Variants in SFTPC observed in about 807,000 individuals in gnomAD.
SFTPC encodes BRICHOS domain containing 6.
Under a neutral mutation model 19.9 loss-of-function variants are expected in SFTPC, and 12 were observed. The ratio of observed to expected loss-of-function variants is 0.60; its 90% CI spans 0.39 to 0.98. The LOEUF (loss-of-function observed/expected upper bound fraction) is 0.98, where lower values mean the gene tolerates loss of function less well. Among genes scored for constraint, SFTPC ranks in the 50% least tolerant of loss-of-function variants. SFTPC has a pLI of 0.00. For synonymous variants in SFTPC, 123 were observed against 103.3 expected, an observed-to-expected ratio of 1.19 and a Z score of -1.16; for missense variants, 219 against 252.2, an observed-to-expected ratio of 0.87 and a Z score of 0.89.
chr8:22,163,309 T>C, intron 3 of SFTPC, 107 bp downstream of exon 3: 2 of 1,549,542 alleles, frequency 1.3e-6, no homozygotes, highest in Admixed American at 1.7e-5. Context: ...CCTCCAGACC[T>C]TTTTTGCCTG....
In SFTPC at chr8:22,162,597, C is replaced by T; in HGVS notation, c.66C>T (p.Gly22=). ...SPPDYSAAPR[G]RFGIPCCPVH... ...AGGACTACTCCGCAGCTCCCCGGGG[C>T]CGATTTGGCATTCCCTGCTGCCCAG... The change falls in exon 2 of 6, where the codon GGC becomes GGT. Residue 22 remains glycine (G), a synonymous_variant. Coordinates refer to ENST00000679463, the MANE Select transcript of SFTPC (RefSeq NM_001317778.2). The T allele has an allele frequency of 6.2e-7, 1 of 1,614,032 alleles. No homozygotes were observed. Among genetic ancestry groups the T allele is most frequent in the Non-Finnish European group, 8.5e-7 (1 of 1,179,990 alleles).
chr8:22,163,038 T>A, intron 2 of SFTPC, 42 bp from the exon 3 acceptor site: 1 of 1,612,566 alleles, frequency 6.2e-7, no homozygotes, highest in Non-Finnish European at 8.5e-7. Context: ...ACTGGCTGAG[T>A]AGGAAAGGGG....
intron 2 of SFTPC, among the ~76,000 whole-genome samples, 155 bp from the exon 3 acceptor site, chr8:22,162,925 C>T (rs1488047220): frequency 6.6e-6 from 1 of 152,236 alleles, no homozygotes; most frequent in Non-Finnish European, 1.5e-5. Flanking sequence ...CGCAGCAGGA[C>T]AGCCAGCTCC....
chr8:22,164,113 C>A, intron 5 of SFTPC, 54 bp downstream of exon 5: 1 of 1,607,810 alleles, frequency 6.2e-7, no homozygotes, highest in Non-Finnish European at 8.5e-7. Context: ...GCCACCTGCC[C>A]GGGCTGTGGA....
chr8:22,159,931 G>T (rs1201355868), upstream of SFTPC: 52 of 877,454 alleles, frequency 5.9e-5, no homozygotes, highest in Non-Finnish European at 8.4e-5. Context: ...GGGCAGGGGT[G>T]GGCACTGCAG....
rs375581850 is a variant in SFTPC at position 22,162,598 on chromosome 8, C to T, written c.67C>T (p.Arg23Ter). 7 of 1,613,926 alleles carry T rather than the reference C, an allele frequency of 4.3e-6. No individual in the cohort carries two copies. The highest frequency in any genetic ancestry group is 1.3e-5 in the African/African-American group (1 of 74,910). The change falls in exon 2 of 6, where the codon CGA becomes TGA. Residue 23 changes from arginine to a stop codon, truncating the protein, a stop_gained. Coordinates refer to ENST00000679463, the MANE Select transcript of SFTPC (RefSeq NM_001317778.2). LOFTEE classifies it high-confidence loss of function. ...PPDYSAAPRG[R>*]FGIPCCPVHL... The stretch of plus-strand genomic sequence containing the variant: ...GGACTACTCCGCAGCTCCCCGGGGC[C>T]GATTTGGCATTCCCTGCTGCCCAGT...
upstream of SFTPC, among the ~76,000 whole-genome samples, chr8:22,160,567 C>T (rs1338170954): frequency 2.0e-5 from 3 of 152,090 alleles, no homozygotes; most frequent in East Asian, 1.9e-4. Context: ...GCAGTGATCT[C>T]GCTACTGCAT....
In SFTPC at chr8:22,163,125, G is replaced by T. The variant is rs1827828323; in HGVS notation, c.247G>T (p.Ala83Ser). The T allele has an allele frequency of 6.2e-7, 1 of 1,614,148 alleles. No individual in the cohort carries two copies. Among genetic ancestry groups the T allele is most frequent in the Non-Finnish European group, 8.5e-7 (1 of 1,180,028 alleles). The change falls in exon 3 of 6, where the codon GCC (alanine) becomes TCC (serine). Residue 83 changes from alanine (A) to serine (S), a missense_variant. Coordinates refer to ENST00000679463, the MANE Select transcript of SFTPC (RefSeq NM_001317778.2). ...GGCGCCGGAAGCCCAGCAACGCCTGGCCCTGAGTGAGCACCTGGTTACCAC... is the reference window on the plus strand; with the variant it reads ...GGCGCCGGAAGCCCAGCAACGCCTGTCCCTGAGTGAGCACCTGGTTACCAC... ...IGAPEAQQRL[A>S]LSEHLVTTAT...
upstream of SFTPC, chr8:22,159,357 G>A (rs1320079402): frequency 5.1e-6 from 1 of 197,562 alleles, no homozygotes; most frequent in Admixed American, 5.6e-5. Flanking sequence ...GGCTTTCACA[G>A]AGGGAGAAAC....
In SFTPC at chr8:22,163,419, C is replaced by T; in HGVS notation, c.325-17C>T. 1 of 1,605,170 alleles carries T rather than the reference C, an allele frequency of 6.2e-7. No individual in the cohort carries two copies. Among genetic ancestry groups the T allele is most frequent in the Non-Finnish European group, 8.5e-7 (1 of 1,172,374 alleles). ...AGGGCAGGGACCCCCGAATGATCTC[C>T]AGCATTCTGTGCCTAGCTGCTGATC... On this transcript the variant is annotated splice_polypyrimidine_tract_variant and intron_variant, in intron 3 of 5. Transcript: ENST00000679463.
chr8:22,161,902 T>C (rs964212946), intron 1 of SFTPC, 32 bp downstream of exon 1: 19 of 1,585,266 alleles, frequency 1.2e-5, no homozygotes, highest in Non-Finnish European at 1.6e-5. Context: ...TATGTATGTG[T>C]GCGCGCGCAC....
chr8:22,162,699 G>C lies in SFTPC; in HGVS notation c.168G>C (p.Met56Ile). Residue 56 changes from methionine to isoleucine, a missense_variant, in exon 2 of 6, where the codon ATG (methionine) becomes ATC (isoleucine). Physicochemically the swap from Met to Ile is conservative, Grantham distance 10 (BLOSUM62 1). Coordinates refer to ENST00000679463, the MANE Select transcript of SFTPC (RefSeq NM_001317778.2). Reference sequence around the variant, plus strand: ...TGGTGATTGTGGGAGCCCTGCTCATGGGTCTCCACATGAGCCAGAAACACA... The same window carrying C: ...TGGTGATTGTGGGAGCCCTGCTCATCGGTCTCCACATGAGCCAGAAACACA... Reference protein sequence around the residue: ...IVVVIVGALLMGLHMSQKHTE... With the variant: ...IVVVIVGALLIGLHMSQKHTE... The C allele has an allele frequency of 6.2e-7, 1 of 1,614,218 alleles. No individual in the cohort carries two copies. The highest frequency in any genetic ancestry group is 8.5e-7 in the Non-Finnish European group (1 of 1,180,024).
At chr8:22,160,271 G>T (rs889688843), upstream of SFTPC, among the ~76,000 whole-genome samples, 1 of 152,166 alleles carries the variant, frequency 6.6e-6, no homozygotes, top group African/African-American at 2.4e-5. Context: ...GAAGGGCAGG[G>T]CCCAGGTGGG....
upstream of SFTPC, chr8:22,161,740 T>A (rs779710215): frequency 1.2e-6 from 2 of 1,612,776 alleles, no homozygotes; most frequent in Admixed American, 1.7e-5. Flanking sequence ...GCTTGGTCCT[T>A]CACCTCTGTC....
At chr8:22,157,828 G>A (rs1290869030), upstream of SFTPC, among the ~76,000 whole-genome samples, 17 of 151,958 alleles carry the variant, frequency 1.1e-4, no homozygotes, top group Non-Finnish European at 1.5e-5. Context: ...TTGTAAAATC[G>A]TTTTTCCATT....
upstream of SFTPC, among the ~76,000 whole-genome samples, chr8:22,161,398 C>T (rs77654184): frequency 0.01 from 1,557 of 152,270 alleles, 31 homozygotes; most frequent in African/African-American, 0.035. Flanking sequence ...CCCTATGTAT[C>T]TAGAAATTCT....
chr8:22,158,582 CTAGT>C (rs1827592265), upstream of SFTPC: 1 of 152,248 alleles, frequency 6.6e-6, no homozygotes, highest in Admixed American at 6.5e-5. Flanking sequence ...GTGTTCTTAG[CTAGT>C]GAGAGGTCCC....
chr8:22,162,488 G>T (rs1033897127), intron 1 of SFTPC, 86 bp from the exon 2 acceptor site: 10 of 1,482,304 alleles, frequency 6.7e-6, no homozygotes, highest in South Asian at 1.1e-5. Flanking sequence ...CTAGGCAGCC[G>T]TGGGAGGGTG....
In SFTPC at chr8:22,163,416, C is replaced by T; in HGVS notation, c.325-20C>T. ...AGCAGGGCAGGGACCCCCGAATGAT[C>T]TCCAGCATTCTGTGCCTAGCTGCTG... is the stretch of plus-strand genomic sequence containing the variant. On this transcript the variant is annotated intron_variant, in intron 3 of 5. Coordinates refer to ENST00000679463, the MANE Select transcript of SFTPC (RefSeq NM_001317778.2). 1 of 1,599,618 alleles carries T rather than the reference C, an allele frequency of 6.3e-7. No homozygotes were observed. The highest frequency in any genetic ancestry group is 1.1e-5 in the South Asian group (1 of 90,584).
Sources: gnomAD v4.1 joint callset for allele counts (sites outside exome capture counted in the v4.1 genomes callset) on GRCh38, gnomAD v4.1.1 for gene constraint, MANE v1.5 for transcripts, NCBI Gene and HGNC (gene_info 2026-07-23, HGNC 2026-07-21) for gene names.